Variants in RADX observed in about 807,000 individuals in gnomAD.
The protein encoded by RADX is RPA-related protein RADX.
In RADX, 36 loss-of-function variants were observed where a neutral mutation model predicts 61.6. The ratio of observed to expected loss-of-function variants is 0.58; its 90% CI spans 0.45 to 0.77. The LOEUF (loss-of-function observed/expected upper bound fraction) is 0.77. Among genes scored for constraint, RADX ranks in the 30% least tolerant of loss-of-function variants. RADX has a pLI of 0.00. For synonymous variants in RADX, 272 were observed against 237.9 expected (o/e 1.14, Z -1.32); for missense variants, 497 against 651.1 (o/e 0.76, Z 2.58).
intron 6 of RADX, among the ~76,000 whole-genome samples, chrX:106,635,530 T>C (rs189074173): frequency 9.3e-4 from 104 of 111,943 alleles, no homozygotes; most frequent in South Asian, 6.3e-3. Context: ...TTTGTAGTTT[T>C]TGAAATAATG....
At chrX:106,641,084 A>C (rs754499112) in intron 10 of RADX, among the ~76,000 whole-genome samples, 1 of 110,399 alleles carries the variant, frequency 9.1e-6, no homozygotes, top group Non-Finnish European at 1.9e-5. Context: ...TCTGTGTCCA[A>C]ATTTCACCTT....
Position 106,669,059 on chromosome X carries a change from T to G in RADX, c.2270-104T>G, listed in dbSNP as rs1928300163. ...GTTTTCAAACACAGGTTTTTTCAGA[T>G]CTAAAGCTATCTGGAACATGTTGGG... On this transcript the variant is annotated intron_variant, in intron 12 of 13. Coordinates refer to ENST00000372548, the MANE Select transcript of RADX (RefSeq NM_018015.6). 3 of 622,198 alleles carry G rather than the reference T, an allele frequency of 4.8e-6. No individual in the cohort carries two copies. In the Admixed American group the frequency reaches 8.7e-5, roughly 18 times the overall value. The allele number at this position is 622,198 out of a possible 1,213,427, so 51.3% of individuals were successfully genotyped here.
chrX:106,672,929 G>C (rs1283318510), intron 13 of RADX, among the ~76,000 whole-genome samples: 3 of 111,918 alleles, frequency 2.7e-5, no homozygotes, highest in Non-Finnish European at 5.6e-5. Flanking sequence ...CCTATGGGGA[G>C]CACTGCCAGA....
chrX:106,674,160 G>T (rs767901509), intron 13 of RADX, among the ~76,000 whole-genome samples: 10 of 109,312 alleles, frequency 9.1e-5, no homozygotes, highest in Non-Finnish European at 1.7e-4. Context: ...AAGGTGTTTT[G>T]TGTGTGTGTG....
intron 11 of RADX, among the ~76,000 whole-genome samples, chrX:106,658,477 T>C (rs1362955265): frequency 8.9e-6 from 1 of 111,988 alleles, no homozygotes; most frequent in African/African-American, 3.2e-5. Context: ...TTACACTCTG[T>C]GACCTAGAAA....
intron 13 of RADX, among the ~76,000 whole-genome samples, chrX:106,670,625 TTAA>T (rs1405493645): frequency 1.8e-5 from 2 of 108,232 alleles, no homozygotes; most frequent in African/African-American, 6.9e-5. Context: ...TGACATAGCA[TTAA>T]TAATAATATG....
At position 106,648,323 on chromosome X, in the gene RADX, C is replaced by T; in HGVS notation, c.1915C>T (p.Pro639Ser). ...TCTTATCCTTTATAGAGTTGCTGTA[C>T]CTCAACCAGGAGCTTCTGTACAAAC... ...QGPHANPVAVPQPGASVQTKG... is the reference protein window; with the variant it reads ...QGPHANPVAVSQPGASVQTKG... Residue 639 changes from proline (P) to serine (S), a missense_variant, in exon 11 of 14, where the codon CCT becomes TCT. Pro to Ser is a moderately conservative substitution (Grantham distance 74). Around this residue, in one of 3 missense-constraint regions of RADX, gnomAD observed 267 missense variants for 306.9 expected, o/e 0.87. Coordinates refer to ENST00000372548, the MANE Select transcript of RADX (RefSeq NM_018015.6). 1 of 1,190,881 alleles carries T rather than the reference C, an allele frequency of 8.4e-7. No homozygotes were observed. The highest frequency in any genetic ancestry group is 1.8e-5 in the South Asian group (1 of 55,279).
chrX:106,661,955 A>T, intron 11 of RADX, 60 bp from the exon 12 acceptor site: 1 of 1,034,990 alleles, frequency 9.7e-7, no homozygotes, highest in Non-Finnish European at 1.3e-6. Flanking sequence ...TTTTGCAGTG[A>T]ATGACTTGAT....
intron 7 of RADX, among the ~76,000 whole-genome samples, chrX:106,636,890 T>G (rs1387918577): frequency 1.8e-5 from 2 of 111,696 alleles, no homozygotes; most frequent in Non-Finnish European, 3.8e-5. Context: ...TATCCTTCAG[T>G]CAACTTTAAT....
intron 11 of RADX, among the ~76,000 whole-genome samples, chrX:106,661,053 C>G (rs775324240): frequency 1.3e-3 from 140 of 111,183 alleles, no homozygotes; most frequent in African/African-American, 4.4e-3. Flanking sequence ...ATGAGAACAG[C>G]ATGGGAGAAC....
intron 12 of RADX, among the ~76,000 whole-genome samples, 162 bp from the exon 13 acceptor site, chrX:106,669,001 T>C (rs144428900): frequency 8.9e-6 from 1 of 112,003 alleles, no homozygotes; most frequent in Non-Finnish European, 1.9e-5. Context: ...TACCATGTAT[T>C]CATAAATTGC....
intron 6 of RADX, among the ~76,000 whole-genome samples, chrX:106,634,431 G>A (rs113298604): frequency 0.024 from 2,618 of 111,112 alleles, 87 homozygotes; most frequent in African/African-American, 0.081. Context: ...ACTGCACCTG[G>A]CCTATATCTA....
intron 10 of RADX, among the ~76,000 whole-genome samples, chrX:106,641,232 A>T (rs773091156): frequency 1.8e-5 from 2 of 110,480 alleles, no homozygotes; most frequent in African/African-American, 6.6e-5. Context: ...GGACTTCATC[A>T]TATGAATTTT....
At chrX:106,612,838 G>A in intron 1 of RADX, 115 bp downstream of exon 1, 1 of 746,917 alleles carries the variant, frequency 1.3e-6, no homozygotes, top group Non-Finnish European at 1.9e-6. Flanking sequence ...GCCAGGAGTG[G>A]TAGGTAGACA....
intron 11 of RADX, among the ~76,000 whole-genome samples, chrX:106,652,695 GCACACACA>G (rs112557092): frequency 3.1e-5 from 3 of 96,998 alleles, no homozygotes; most frequent in African/African-American, 3.7e-5. Flanking sequence ...ATCATTAAAT[GCACACACA>G]CACACACACA....
At chrX:106,646,424 G>A (rs1303552458) in intron 10 of RADX, among the ~76,000 whole-genome samples, 1 of 111,093 alleles carries the variant, frequency 9.0e-6, no homozygotes, top group African/African-American at 3.3e-5. Flanking sequence ...TTGGAAATAG[G>A]GTCATAGCAG....
intron 13 of RADX, among the ~76,000 whole-genome samples, chrX:106,673,668 T>C (rs1928422930): frequency 1.1e-5 from 1 of 95,048 alleles, no homozygotes; most frequent in African/African-American, 5.7e-5. Flanking sequence ...GTAGGTTGTG[T>C]CTCCCCCCCA....
chrX:106,638,596 CAA>C (rs1927424501), intron 8 of RADX: 2 of 112,248 alleles, frequency 1.8e-5, no homozygotes, highest in African/African-American at 6.5e-5. Context: ...AAGTGACACT[CAA>C]AGAACTACTC....
intron 11 of RADX, among the ~76,000 whole-genome samples, chrX:106,649,885 A>G (rs142545303): frequency 0.011 from 1,178 of 111,565 alleles, 16 homozygotes; most frequent in African/African-American, 0.036. Context: ...GTATCTAATC[A>G]AGCTCTAAAC....
Sources: allele counts gnomAD v4.1 joint callset (sites outside exome capture counted in the v4.1 genomes callset), GRCh38; gene constraint gnomAD v4.1.1; regional missense constraint gnomAD v4.1.1; transcripts MANE v1.5; gene names NCBI Gene and HGNC (gene_info 2026-07-23, HGNC 2026-07-21).